Variants in MAP2K6 observed in about 807,000 individuals in gnomAD.
MAP2K6 encodes the protein mitogen-activated protein kinase kinase 6.
A neutral mutation model predicts 53.7 loss-of-function variants in MAP2K6; 16 were observed. The observed-to-expected ratio is 0.30, with a 90% CI of 0.20 to 0.45. MAP2K6 has a LOEUF of 0.45. MAP2K6 is among the 20% of genes least tolerant of loss of function. The probability of loss-of-function intolerance (pLI) is 1.00; values close to 1 mark genes in which losing one functional copy is unlikely to be tolerated. For missense variants in MAP2K6, 204 were observed against 411.9 expected, an observed-to-expected ratio of 0.50 and a Z score of 4.37; for synonymous variants, 132 against 143.1, an observed-to-expected ratio of 0.92 and a Z score of 0.55.
chr17:69,484,411 C>T (rs1908452517), intron 1 of MAP2K6, among the ~76,000 whole-genome samples: 1 of 151,574 alleles, frequency 6.6e-6, no homozygotes, highest in Non-Finnish European at 1.5e-5. Context: ...ACAATTGTAA[C>T]AAAAACAGAA....
chr17:69,514,476 G>A (rs1419502667), intron 2 of MAP2K6, among the ~76,000 whole-genome samples: 1 of 152,130 alleles, frequency 6.6e-6, no homozygotes, highest in East Asian at 1.9e-4. Flanking sequence ...AGTATTCTAT[G>A]TATTCCAAAA....
At chr17:69,490,751 G>A (rs1320521195) in intron 1 of MAP2K6, among the ~76,000 whole-genome samples, 2 of 151,782 alleles carry the variant, frequency 1.3e-5, no homozygotes, top group African/African-American at 4.8e-5. Flanking sequence ...AGGGGTACAT[G>A]TGCAGGTTTG....
intron 11 of MAP2K6, among the ~76,000 whole-genome samples, chr17:69,540,436 G>A (rs1423651490): frequency 1.3e-5 from 2 of 152,208 alleles, no homozygotes; most frequent in Non-Finnish European, 2.9e-5. Context: ...GGTTTGGTTG[G>A]TTCTATTTCC....
chr17:69,499,950 T>C (rs1909088632), intron 1 of MAP2K6, among the ~76,000 whole-genome samples: 1 of 152,162 alleles, frequency 6.6e-6, no homozygotes, highest in African/African-American at 2.4e-5. Context: ...CAGGAATGTG[T>C]GGATAGTAAT....
chr17:69,532,319 G>A (rs1911126874), intron 10 of MAP2K6, among the ~76,000 whole-genome samples: 1 of 152,084 alleles, frequency 6.6e-6, no homozygotes, highest in South Asian at 2.1e-4. Context: ...GGAAATGATC[G>A]GGGGAATTCA....
intron 1 of MAP2K6, among the ~76,000 whole-genome samples, chr17:69,454,333 G>A (rs549872243): frequency 2.6e-5 from 4 of 152,262 alleles, no homozygotes; most frequent in South Asian, 2.1e-4. Context: ...CACTGTGTCC[G>A]GAGGGCATAG....
intron 1 of MAP2K6, among the ~76,000 whole-genome samples, chr17:69,479,512 C>CA (rs1484811888): frequency 6.6e-6 from 1 of 151,762 alleles, no homozygotes; most frequent in Non-Finnish European, 1.5e-5. Flanking sequence ...TGTGCATGTA[C>CA]AAATATTCCA....
At chr17:69,428,669 G>A (rs79801733) in intron 1 of MAP2K6, among the ~76,000 whole-genome samples, 148 of 152,230 alleles carry the variant, frequency 9.7e-4, no homozygotes, top group East Asian at 3.1e-3. Flanking sequence ...TATAAGATAC[G>A]AGTAGGATAC....
chr17:69,476,706 C>T (rs1278070382), intron 1 of MAP2K6, among the ~76,000 whole-genome samples: 1 of 152,156 alleles, frequency 6.6e-6, no homozygotes, highest in Non-Finnish European at 1.5e-5. Context: ...TCTATCTCCC[C>T]TCTCCTTTTT....
intron 1 of MAP2K6, among the ~76,000 whole-genome samples, chr17:69,483,691 T>G (rs144981837): frequency 9.9e-5 from 15 of 152,230 alleles, no homozygotes; most frequent in African/African-American, 3.1e-4. Context: ...CTTCCTGATT[T>G]CAAAACTTAC....
intron 1 of MAP2K6, among the ~76,000 whole-genome samples, chr17:69,419,326 A>G (rs1292799268): frequency 1.3e-5 from 2 of 152,186 alleles, no homozygotes; most frequent in East Asian, 3.9e-4. Flanking sequence ...GCATGTATAG[A>G]TATATTGCTA....
At chr17:69,465,093 T>C (rs929379779) in intron 1 of MAP2K6, among the ~76,000 whole-genome samples, 5 of 151,638 alleles carry the variant, frequency 3.3e-5, no homozygotes, top group Non-Finnish European at 5.9e-5. Flanking sequence ...TAATAGCTCC[T>C]TGATAATATT....
chr17:69,516,194 C>A (rs911552080), intron 2 of MAP2K6, among the ~76,000 whole-genome samples: 3 of 151,742 alleles, frequency 2.0e-5, no homozygotes, highest in Non-Finnish European at 4.4e-5. Context: ...TCAATGGGAG[C>A]CTTGAGCTTG....
intron 11 of MAP2K6, among the ~76,000 whole-genome samples, chr17:69,536,415 G>C (rs1273733431): frequency 6.6e-6 from 1 of 152,140 alleles, no homozygotes; most frequent in Non-Finnish European, 1.5e-5. Context: ...AGCAAATTAT[G>C]TGTATACAAT....
chr17:69,473,673 C>T (rs769491156), intron 1 of MAP2K6, among the ~76,000 whole-genome samples: 27 of 151,988 alleles, frequency 1.8e-4, no homozygotes, highest in South Asian at 2.1e-4. Flanking sequence ...ATTGGGAGTC[C>T]TAGGTTTGAA....
chr17:69,440,324 A>G (rs1361593565), intron 1 of MAP2K6, among the ~76,000 whole-genome samples: 1 of 152,098 alleles, frequency 6.6e-6, no homozygotes, highest in East Asian at 1.9e-4. Context: ...CTGGGATTAA[A>G]AGCATAAGCC....
At chr17:69,521,813 A>C (rs1190178088) in intron 7 of MAP2K6, 19 of 138,584 alleles carry the variant, frequency 1.4e-4, no homozygotes, top group East Asian at 5.8e-4. Flanking sequence ...GTACAAAAAA[A>C]AAAAAAAAAA....
intron 1 of MAP2K6, among the ~76,000 whole-genome samples, chr17:69,471,662 T>C (rs1227261170): frequency 6.6e-6 from 1 of 152,080 alleles, no homozygotes; most frequent in African/African-American, 2.4e-5. Flanking sequence ...CCCTTGAATC[T>C]AAAATAATAG....
chr17:69,419,408 T>A (rs1179001103), intron 1 of MAP2K6, among the ~76,000 whole-genome samples: 1 of 152,202 alleles, frequency 6.6e-6, no homozygotes, highest in East Asian at 1.9e-4. Context: ...ATTCTGTCCT[T>A]TCAAGCATAA....
Sources: gnomAD v4.1 joint callset for allele counts (sites outside exome capture counted in the v4.1 genomes callset) on GRCh38, gnomAD v4.1.1 for gene constraint, MANE v1.5 for transcripts, NCBI Gene and HGNC (gene_info 2026-07-23, HGNC 2026-07-21) for gene names.